Variants in CACNA1A observed in about 807,000 individuals in gnomAD.
The protein encoded by CACNA1A is calcium voltage-gated channel subunit alpha1 A.
CACNA1A carries 57 observed loss-of-function variants against 262.4 expected under a neutral mutation model. The ratio of observed to expected loss-of-function variants is 0.22; its 90% CI spans 0.18 to 0.27. The LOEUF is 0.27. CACNA1A is among the 10% of genes least tolerant of loss of function. The pLI, the probability that CACNA1A is intolerant of heterozygous loss-of-function variation, is 1.00. For synonymous variants in CACNA1A, 1,431 were observed against 1,419.3 expected, an observed-to-expected ratio of 1.01 and a Z score of -0.18; for missense variants, 2,526 against 3,562.8, an observed-to-expected ratio of 0.71 and a Z score of 7.41.
intron 6 of CACNA1A, among the ~76,000 whole-genome samples, chr19:13,347,062 T>TTG (rs1555770831): frequency 8.9e-4 from 52 of 58,544 alleles, no homozygotes; most frequent in African/African-American, 2.7e-3. Context: ...TTTTTTTGTT[T>TTG]TTTTGTTTTT....
chr19:13,366,916 C>T (rs1465191644), intron 4 of CACNA1A, among the ~76,000 whole-genome samples: 1 of 152,158 alleles, frequency 6.6e-6, no homozygotes, highest in African/African-American at 2.4e-5. Flanking sequence ...GGTGGCCATA[C>T]ATGTAAAGTC....
In CACNA1A at chr19:13,298,567, C is replaced by A; in HGVS notation, c.3066G>T (p.Lys1022Asn). The change falls in exon 19 of 47, where the codon AAG becomes AAT. Residue 1022 changes from lysine (K) to asparagine (N), a missense_variant. By Grantham distance (94) the Lys-to-Asn change is moderately conservative. Around this residue, in one of 17 missense-constraint regions of CACNA1A, gnomAD observed 765 missense variants for 748.6 expected, o/e 1.02. Transcript: ENST00000360228. The part of the protein sequence containing the change: ...TYEGDARRED[K>N]ERRHRRRKEN... ...ACTTCCTCCTCCGATGCCTCCGCTC[C>A]TTGTCCTCCCTCCGCGCGTCCCCCT... 1 of 1,543,648 alleles carries A rather than the reference C, an allele frequency of 6.5e-7. No individual in the cohort carries two copies. Among genetic ancestry groups the A allele is most frequent in the East Asian group, 2.5e-5 (1 of 39,514 alleles).
At chr19:13,268,375 C>G (rs1378054761) in intron 24 of CACNA1A, among the ~76,000 whole-genome samples, 1 of 151,972 alleles carries the variant, frequency 6.6e-6, no homozygotes, top group Non-Finnish European at 1.5e-5. Flanking sequence ...ATGGCGGAAA[C>G]CCTGTCGCCA....
At chr19:13,249,599 C>G (rs2056342284) in intron 30 of CACNA1A, among the ~76,000 whole-genome samples, 1 of 152,166 alleles carries the variant, frequency 6.6e-6, no homozygotes, top group Non-Finnish European at 1.5e-5. Flanking sequence ...AAGCGATCCA[C>G]CTGCCTCAGC....
chr19:13,406,209 C>T (rs10419157), intron 3 of CACNA1A, among the ~76,000 whole-genome samples: 16,003 of 151,286 alleles, frequency 0.11, 1,207 homozygotes, highest in East Asian at 0.33. Flanking sequence ...AATACTAGCA[C>T]TTTGGGAGGC....
intron 22 of CACNA1A, 107 bp from the exon 23 acceptor site, chr19:13,277,235 G>T: frequency 2.7e-6 from 2 of 743,390 alleles, no homozygotes; most frequent in South Asian, 3.2e-5. Flanking sequence ...ACCCAGAAGA[G>T]GAAACACAGC....
intron 12 of CACNA1A, among the ~76,000 whole-genome samples, chr19:13,310,515 T>TAGAGAGAGAGAG (rs148544563): frequency 1.4e-5 from 1 of 69,372 alleles, no homozygotes; most frequent in Admixed American, 2.1e-4. Context: ...TATATATATG[T>TAGAGAGAGAGAG]AGAGAGAGAG....
In CACNA1A at chr19:13,398,283, A is replaced by G. The variant is rs564330826; in HGVS notation, c.540-26504T>C. Reference sequence around the variant, plus strand: ...GTCGCAAAAGAAAAAAAAAAAAAGAATACACCTTTTGAACTTTATCTGTGC... The same window carrying G: ...GTCGCAAAAGAAAAAAAAAAAAAGAGTACACCTTTTGAACTTTATCTGTGC... On this transcript the variant is annotated intron_variant, in intron 3 of 46. Transcript: ENST00000360228. Among the ~76,000 whole-genome samples, 777 of 152,160 alleles carry G rather than the reference A, an allele frequency of 5.1e-3. 5 individuals are homozygous for G. Among genetic ancestry groups the G allele is most frequent in the Middle Eastern group, 0.027 (8 of 294 alleles).
chr19:13,483,516 G>A (rs1306677308), intron 1 of CACNA1A, among the ~76,000 whole-genome samples: 2 of 152,280 alleles, frequency 1.3e-5, no homozygotes, highest in Non-Finnish European at 2.9e-5. Flanking sequence ...GTTCTGGCAT[G>A]AGCACACGAC....
intron 24 of CACNA1A, chr19:13,272,505 C>T (rs1568482472): frequency 6.6e-6 from 1 of 152,316 alleles, no homozygotes; most frequent in Non-Finnish European, 1.5e-5. Context: ...AGACCGATGA[C>T]AGAGGGTCAG....
chr19:13,445,934 C>T (rs572850316), intron 3 of CACNA1A, among the ~76,000 whole-genome samples: 5 of 152,234 alleles, frequency 3.3e-5, no homozygotes, highest in South Asian at 2.1e-4. Context: ...CACGTTTTAA[C>T]GCTGTGGTTT....
At chr19:13,402,873 C>CACAT (rs1201892162) in intron 3 of CACNA1A, among the ~76,000 whole-genome samples, 1,200 of 72,476 alleles carry the variant, frequency 0.017, 20 homozygotes, top group Non-Finnish European at 0.024. Context: ...CACACACACA[C>CACAT]ATATATATAT....
rs16004 is a variant in CACNA1A at position 13,371,770 on chromosome 19, C to T, written c.549G>A (p.Ala183=). ...DFVVVLTGIL[A]TVGTEFDLRT... ...GTAGGTCAAACTCCGTCCCAACTGT[C>T]GCCAAGATGCTGAAAGAAAGAAGCC... is the stretch of plus-strand genomic sequence containing the variant. Residue 183 remains alanine (A), a synonymous_variant, in exon 4 of 47, where the codon GCG becomes GCA. Transcript: ENST00000360228. 2.3e-5 allele frequency: 36 copies of T among 1,571,066 alleles called. No homozygotes were observed. The highest frequency in any genetic ancestry group is 1.7e-4 in the Middle Eastern group (1 of 6,034).
intron 10 of CACNA1A, among the ~76,000 whole-genome samples, chr19:13,322,766 T>C (rs2058281017): frequency 6.6e-6 from 1 of 152,118 alleles, no homozygotes; most frequent in Non-Finnish European, 1.5e-5. Flanking sequence ...CAGCTAATTT[T>C]TGTATTTTTA....
chr19:13,231,088 C>T (rs961801330), intron 35 of CACNA1A, among the ~76,000 whole-genome samples: 3 of 151,726 alleles, frequency 2.0e-5, no homozygotes, highest in Non-Finnish European at 4.4e-5. Flanking sequence ...ACTGCAGCCT[C>T]GACCTCCAAG....
At chr19:13,394,366 A>C (rs78736223) in intron 3 of CACNA1A, among the ~76,000 whole-genome samples, 2,575 of 149,836 alleles carry the variant, frequency 0.017, 65 homozygotes, top group South Asian at 0.062. Flanking sequence ...TAAAAAGGAA[A>C]AAAACAAAAC....
chr19:13,352,223 T>G (rs1341803202), intron 6 of CACNA1A, among the ~76,000 whole-genome samples: 2 of 152,018 alleles, frequency 1.3e-5, no homozygotes, highest in African/African-American at 4.8e-5. Flanking sequence ...CTGGCCAACA[T>G]GATGAAACCC....
chr19:13,499,202 G>A (rs1450198269), intron 1 of CACNA1A, among the ~76,000 whole-genome samples: 1 of 151,966 alleles, frequency 6.6e-6, no homozygotes, highest in African/African-American at 2.4e-5. Context: ...AGGGGAAGAG[G>A]GAAGCTAATT....
chr19:13,328,319 T>C (rs10410795), intron 10 of CACNA1A, among the ~76,000 whole-genome samples: 1,781 of 152,328 alleles, frequency 0.012, 33 homozygotes, highest in African/African-American at 0.041. Context: ...TACAGGAAAT[T>C]AAACAGATGC....
Sources: allele counts gnomAD v4.1 joint callset (sites outside exome capture counted in the v4.1 genomes callset), GRCh38; gene constraint gnomAD v4.1.1; regional missense constraint gnomAD v4.1.1; transcripts MANE v1.5; gene names NCBI Gene and HGNC (gene_info 2026-07-23, HGNC 2026-07-21).